The following SH3D19 variants were observed in gnomAD, a reference collection of about 807,000 sequenced individuals.
SH3D19 encodes SH3 domain containing 19, also known as SH3 domain-containing protein 19.
Under a neutral mutation model 112.1 loss-of-function variants are expected in SH3D19, and 58 were observed. The observed-to-expected ratio is 0.52, with a 90% CI of 0.42 to 0.64. The LOEUF (loss-of-function observed/expected upper bound fraction) is 0.64, where lower values mean the gene tolerates loss of function less well. SH3D19 is among the 30% of genes least tolerant of loss of function. The probability of loss-of-function intolerance (pLI) is 0.00; values close to 1 mark genes in which losing one functional copy is unlikely to be tolerated. For missense variants in SH3D19, 1,090 were observed against 1,263.4 expected (o/e 0.86, Z 2.08); for synonymous variants, 391 against 448.5 (o/e 0.87, Z 1.62).
intron 9 of SH3D19, among the ~76,000 whole-genome samples, chr4:151,154,206 C>T (rs1289733572): frequency 6.7e-6 from 1 of 149,852 alleles, no homozygotes; most frequent in African/African-American, 2.5e-5. Flanking sequence ...GATCTTGGCT[C>T]ACCACAACCT....
chr4:151,218,279 T>C (rs1054849844), intron 2 of SH3D19, among the ~76,000 whole-genome samples: 2 of 152,284 alleles, frequency 1.3e-5, no homozygotes, highest in South Asian at 4.1e-4. Context: ...TCTTGACTAT[T>C]TCCTCAATTT....
At chr4:151,142,803 T>C (rs1379187237) in intron 12 of SH3D19, among the ~76,000 whole-genome samples, 1 of 152,116 alleles carries the variant, frequency 6.6e-6, no homozygotes, top group Non-Finnish European at 1.5e-5. Context: ...AATGTAACAA[T>C]AGCCATGAAC....
At chr4:151,258,515 T>C (rs1467397970) in intron 1 of SH3D19, among the ~76,000 whole-genome samples, 7 of 152,198 alleles carry the variant, frequency 4.6e-5, no homozygotes, top group African/African-American at 1.7e-4. Context: ...AACTTAGACT[T>C]GTTCAACACC....
intron 1 of SH3D19, chr4:151,277,222 C>A: frequency 6.7e-7 from 1 of 1,501,588 alleles, no homozygotes; most frequent in South Asian, 1.3e-5. Context: ...CTGGGGATCT[C>A]AGGTGAGCGC....
chr4:151,224,048 G>A (rs759949940), intron 2 of SH3D19, among the ~76,000 whole-genome samples: 1 of 152,088 alleles, frequency 6.6e-6, no homozygotes, highest in Non-Finnish European at 1.5e-5. Flanking sequence ...GGTGGCTCAC[G>A]CCTGTAATCC....
chr4:151,224,750 T>C (rs796289445), intron 2 of SH3D19, among the ~76,000 whole-genome samples: 1 of 152,330 alleles, frequency 6.6e-6, no homozygotes, highest in African/African-American at 2.4e-5. Flanking sequence ...TTTTGCTATG[T>C]TGCCTAGGCT....
intron 19 of SH3D19, among the ~76,000 whole-genome samples, chr4:151,124,280 A>AT (rs1304764252): frequency 2.6e-5 from 4 of 151,710 alleles, no homozygotes; most frequent in South Asian, 4.2e-4. Context: ...CTAATTTTGT[A>AT]TTTTTTAGCA....
rs149817686 is a variant in SH3D19 at position 151,320,238 on chromosome 4, T to G, written c.112+5003A>C. Reference sequence around the variant, plus strand: ...TAGAAAGAGTAAATTTAGTTAGCATTTAGTAAGCCCTATTATGTGCCTACT... The same window carrying G: ...TAGAAAGAGTAAATTTAGTTAGCATGTAGTAAGCCCTATTATGTGCCTACT... On this transcript the variant is annotated intron_variant, in intron 1 of 19. Transcript: ENST00000604030. 4.4e-3 allele frequency among the ~76,000 whole-genome samples: 674 copies of G among 152,344 alleles called. 6 individuals carry two copies. Among genetic ancestry groups the G allele is most frequent in the Non-Finnish European group, 7.7e-3 (525 of 68,024 alleles).
intron 3 of SH3D19, among the ~76,000 whole-genome samples, chr4:151,182,957 T>C (rs1468635565): frequency 6.6e-6 from 1 of 152,016 alleles, no homozygotes; most frequent in Non-Finnish European, 1.5e-5. Flanking sequence ...GTTAGAGTTA[T>C]CCTATCATTT....
intron 2 of SH3D19, among the ~76,000 whole-genome samples, chr4:151,203,184 C>T (rs1764636512): frequency 6.6e-6 from 1 of 152,112 alleles, no homozygotes; most frequent in African/African-American, 2.4e-5. Flanking sequence ...CATGACAGGA[C>T]CCCCAGCAAT....
chr4:151,265,724 G>A (rs1384217501), intron 1 of SH3D19, among the ~76,000 whole-genome samples: 1 of 151,508 alleles, frequency 6.6e-6, no homozygotes, highest in Non-Finnish European at 1.5e-5. Flanking sequence ...TTACAAGTGT[G>A]CACCACCACA....
chr4:151,232,323 C>T (rs1007983467), intron 1 of SH3D19, among the ~76,000 whole-genome samples: 2 of 152,040 alleles, frequency 1.3e-5, no homozygotes, highest in African/African-American at 4.8e-5. Flanking sequence ...ATTTTCTGGC[C>T]CCAGTTTCTT....
intron 3 of SH3D19, among the ~76,000 whole-genome samples, chr4:151,185,554 G>C (rs1302269016): frequency 1.3e-5 from 2 of 152,112 alleles, no homozygotes; most frequent in Non-Finnish European, 2.9e-5. Flanking sequence ...AGGGTTATAA[G>C]GCATGAAAGG....
chr4:151,200,346 A>G (rs1005927597), intron 2 of SH3D19, among the ~76,000 whole-genome samples: 1 of 152,230 alleles, frequency 6.6e-6, no homozygotes, highest in Admixed American at 6.5e-5. Flanking sequence ...GAGCCAGCTC[A>G]TGTGAGCTGA....
intron 1 of SH3D19, chr4:151,283,103 G>A: frequency 6.2e-7 from 1 of 1,612,598 alleles, no homozygotes; most frequent in Non-Finnish European, 8.5e-7. Flanking sequence ...TTTTGTTCCT[G>A]TCTTCCTCCA....
intron 1 of SH3D19, among the ~76,000 whole-genome samples, chr4:151,284,866 C>A (rs1774590676): frequency 6.6e-6 from 1 of 152,156 alleles, no homozygotes. Context: ...CTAACCTGCA[C>A]ATGTATGTAA....
chr4:151,258,669 C>T (rs1428540498), intron 1 of SH3D19, among the ~76,000 whole-genome samples: 2 of 152,204 alleles, frequency 1.3e-5, no homozygotes, highest in African/African-American at 4.8e-5. Flanking sequence ...GCAGACCCCC[C>T]AATTCCTCCC....
intron 2 of SH3D19, among the ~76,000 whole-genome samples, chr4:151,199,937 C>T (rs566326935): frequency 6.6e-6 from 1 of 152,046 alleles, no homozygotes; most frequent in Non-Finnish European, 1.5e-5. Context: ...GGAGATGTGA[C>T]CTTTGGGAAG....
chr4:151,126,148 T>G (rs1749268805), intron 19 of SH3D19, among the ~76,000 whole-genome samples: 1 of 152,124 alleles, frequency 6.6e-6, no homozygotes, highest in South Asian at 2.1e-4. Context: ...GGTTTTAAAC[T>G]CCTGGCCTCA....
Sources: gnomAD v4.1 joint callset for allele counts (sites outside exome capture counted in the v4.1 genomes callset) on GRCh38, gnomAD v4.1.1 for gene constraint, MANE v1.5 for transcripts, NCBI Gene and HGNC (gene_info 2026-07-23, HGNC 2026-07-21) for gene names.